Variants in PTPRM observed in about 807,000 individuals in gnomAD.
PTPRM encodes the protein protein tyrosine phosphatase receptor type M, also known as receptor-type tyrosine-protein phosphatase mu.
Under a neutral mutation model 186.7 loss-of-function variants are expected in PTPRM, and 47 were observed. That is an observed-to-expected ratio of 0.25 (90% CI 0.20 to 0.32). The LOEUF (loss-of-function observed/expected upper bound fraction) is 0.32. PTPRM is among the 10% of genes least tolerant of loss of function. The pLI, the probability that PTPRM is intolerant of heterozygous loss-of-function variation, is 1.00. For synonymous variants in PTPRM, 668 were observed against 674.9 expected (o/e 0.99, Z 0.16); for missense variants, 1,494 against 1,865.0 (o/e 0.80, Z 3.66).
chr18:8,057,425 C>A (rs1381460441), intron 7 of PTPRM, among the ~76,000 whole-genome samples: 1 of 102,538 alleles, frequency 9.8e-6, no homozygotes, highest in Non-Finnish European at 1.9e-5. Flanking sequence ...TGTGATACTT[C>A]TTTTTTTTTT....
chr18:8,208,126 G>A (rs1001162925), intron 14 of PTPRM, among the ~76,000 whole-genome samples: 20 of 152,226 alleles, frequency 1.3e-4, no homozygotes, highest in Non-Finnish European at 1.5e-4. Flanking sequence ...CGTAAGCTGA[G>A]CTCTTTCAGA....
At chr18:8,223,284 G>A (rs2094175837) in intron 14 of PTPRM, among the ~76,000 whole-genome samples, 1 of 152,094 alleles carries the variant, frequency 6.6e-6, no homozygotes, top group Admixed American at 6.6e-5. Flanking sequence ...AAACTGAAAT[G>A]CATAGCCATG....
intron 7 of PTPRM, among the ~76,000 whole-genome samples, chr18:8,030,842 T>C (rs2085917766): frequency 6.6e-6 from 1 of 152,204 alleles, no homozygotes; most frequent in African/African-American, 2.4e-5. Context: ...TCTTTATATA[T>C]GTTTTATATA....
At chr18:7,852,595 G>A (rs889484941) in intron 2 of PTPRM, among the ~76,000 whole-genome samples, 1 of 152,132 alleles carries the variant, frequency 6.6e-6, no homozygotes, top group Non-Finnish European at 1.5e-5. Flanking sequence ...GGCTGAGGCA[G>A]GAGAATGTGA....
intron 14 of PTPRM, among the ~76,000 whole-genome samples, chr18:8,169,118 A>T (rs1401063326): frequency 6.6e-6 from 1 of 152,186 alleles, no homozygotes; most frequent in Non-Finnish European, 1.5e-5. Flanking sequence ...AAGGAAGGAA[A>T]ATGAAGGTGG....
intron 14 of PTPRM, among the ~76,000 whole-genome samples, chr18:8,218,845 T>A (rs1205385668): frequency 2.0e-5 from 3 of 152,246 alleles, no homozygotes; most frequent in Non-Finnish European, 2.9e-5. Context: ...TTAGGTTCTT[T>A]GGCTACTTTT....
chr18:8,012,086 G>A (rs1456164953), intron 7 of PTPRM, among the ~76,000 whole-genome samples: 2 of 152,140 alleles, frequency 1.3e-5, no homozygotes, highest in African/African-American at 2.4e-5. Context: ...GTGTGGTCAC[G>A]GTTCTGCAAG....
intron 17 of PTPRM, among the ~76,000 whole-genome samples, chr18:8,249,496 C>G (rs1357405609): frequency 6.6e-6 from 1 of 152,102 alleles, no homozygotes; most frequent in Non-Finnish European, 1.5e-5. Flanking sequence ...TCTTAGGCAC[C>G]AGAACAATGT....
intron 5 of PTPRM, 135 bp downstream of exon 5, chr18:7,926,818 C>G: frequency 2.0e-6 from 1 of 494,580 alleles, no homozygotes; most frequent in Non-Finnish European, 3.4e-6. Flanking sequence ...AGCCAGATTA[C>G]TTAGTAATCT....
intron 2 of PTPRM, among the ~76,000 whole-genome samples, chr18:7,852,830 C>T (rs993913844): frequency 2.6e-5 from 4 of 152,114 alleles, no homozygotes; most frequent in Admixed American, 6.5e-5. Flanking sequence ...CACCACTGTA[C>T]TCCAGCCAGA....
chr18:7,740,955 G>A (rs1177571184), intron 1 of PTPRM, among the ~76,000 whole-genome samples: 2 of 152,128 alleles, frequency 1.3e-5, no homozygotes, highest in African/African-American at 4.8e-5. Context: ...AGGGAGTAGG[G>A]CATGATTGAG....
intron 2 of PTPRM, among the ~76,000 whole-genome samples, chr18:7,857,956 T>G (rs146711688): frequency 3.3e-4 from 50 of 152,316 alleles, no homozygotes; most frequent in African/African-American, 1.1e-3. Flanking sequence ...GCTTTCTTCT[T>G]AAGTGCTATT....
intron 22 of PTPRM, among the ~76,000 whole-genome samples, chr18:8,320,912 C>T (rs2095341769): frequency 2.0e-5 from 3 of 152,172 alleles, no homozygotes; most frequent in Admixed American, 1.3e-4. Context: ...GCAGGCCCTA[C>T]TACATAGAGG....
Position 8,038,447 on chromosome 18 carries a change from A to AAG in PTPRM, c.1133-31239_1133-31238insAG, listed in dbSNP as rs1481307041. 0.02 allele frequency among the ~76,000 whole-genome samples: 2,845 copies of AAG among 144,572 alleles called. 57 individuals are homozygous for AAG. In the Middle Eastern group the frequency reaches 0.21, roughly 10 times the overall value. The allele number at this position is 144,572 out of a possible 152,430, so 94.8% of individuals were successfully genotyped here. ...CACTCTGTCGCCCAAACTGGAGTGCAGTGGTGCAATCTCAGCTCAATGCAA... is the reference window on the plus strand; with the variant it reads ...CACTCTGTCGCCCAAACTGGAGTGCAAGGTGGTGCAATCTCAGCTCAATGCAA... On this transcript the variant is annotated intron_variant, in intron 7 of 32. Coordinates refer to ENST00000580170, the MANE Select transcript of PTPRM (RefSeq NM_001105244.2).
intron 22 of PTPRM, among the ~76,000 whole-genome samples, chr18:8,326,164 G>T (rs2095375043): frequency 6.6e-6 from 1 of 152,120 alleles, no homozygotes. Flanking sequence ...TTGTTGTGCA[G>T]AAGCTCTTTA....
intron 31 of PTPRM, among the ~76,000 whole-genome samples, chr18:8,388,526 T>C (rs1251129743): frequency 6.6e-6 from 1 of 152,194 alleles, no homozygotes; most frequent in Non-Finnish European, 1.5e-5. Context: ...TGATATTCCT[T>C]TGGAAGGAGC....
At chr18:7,778,841 A>G (rs1030479019) in intron 2 of PTPRM, among the ~76,000 whole-genome samples, 4 of 152,198 alleles carry the variant, frequency 2.6e-5, no homozygotes, top group African/African-American at 7.2e-5. Flanking sequence ...AAAAATCTTG[A>G]TATAGTAACC....
At chr18:7,822,569 T>G (rs978998558) in intron 2 of PTPRM, among the ~76,000 whole-genome samples, 11 of 152,226 alleles carry the variant, frequency 7.2e-5, no homozygotes, top group Admixed American at 2.0e-4. Context: ...GGCTCTTTGA[T>G]GTGTTCTGTG....
At chr18:7,925,102 A>G (rs1049944998) in intron 4 of PTPRM, among the ~76,000 whole-genome samples, 2 of 152,202 alleles carry the variant, frequency 1.3e-5, no homozygotes, top group African/African-American at 4.8e-5. Flanking sequence ...TTTTCTAAAA[A>G]CAATGGGTCT....
Sources: allele counts gnomAD v4.1 joint callset (sites outside exome capture counted in the v4.1 genomes callset), GRCh38; gene constraint gnomAD v4.1.1; transcripts MANE v1.5; gene names NCBI Gene and HGNC (gene_info 2026-07-23, HGNC 2026-07-21).